Variants in ARHGEF12 observed in about 807,000 individuals in gnomAD.
The protein encoded by ARHGEF12 is KMT2A/ARHGEF12 fusion protein.
A neutral mutation model predicts 211.2 loss-of-function variants in ARHGEF12; 66 were observed. The observed-to-expected ratio is 0.31, with a 90% CI of 0.26 to 0.38. The LOEUF (loss-of-function observed/expected upper bound fraction) is 0.38, where lower values mean the gene tolerates loss of function less well. Ranked by LOEUF, ARHGEF12 falls within the 10% of genes least tolerant of loss-of-function variation. The pLI is 1.00. For missense variants in ARHGEF12, 1,429 were observed against 1,869.5 expected, an observed-to-expected ratio of 0.76 and a Z score of 4.34; for synonymous variants, 592 against 638.4, an observed-to-expected ratio of 0.93 and a Z score of 1.09.
chr11:120,482,219 T>C (rs1302497989), intron 39 of ARHGEF12, among the ~76,000 whole-genome samples: 4 of 152,208 alleles, frequency 2.6e-5, no homozygotes, highest in African/African-American at 7.2e-5. Context: ...AGGGTTTATG[T>C]AGTTATGAAT....
At chr11:120,363,263 G>T (rs932459874) in intron 1 of ARHGEF12, among the ~76,000 whole-genome samples, 1 of 152,040 alleles carries the variant, frequency 6.6e-6, no homozygotes, top group Admixed American at 6.5e-5. Flanking sequence ...CCAACCACTG[G>T]TACCAGTGGA....
At chr11:120,472,611 G>A (rs997500916) in intron 30 of ARHGEF12, among the ~76,000 whole-genome samples, 12 of 152,084 alleles carry the variant, frequency 7.9e-5, no homozygotes, top group Non-Finnish European at 1.6e-4. Flanking sequence ...CGGGAAGAGA[G>A]TGAGTTTTCA....
chr11:120,346,744 G>A (rs1049026687), intron 1 of ARHGEF12, among the ~76,000 whole-genome samples: 1 of 152,134 alleles, frequency 6.6e-6, no homozygotes, highest in African/African-American at 2.4e-5. Flanking sequence ...GAAGTACAGA[G>A]AATGGTATGA....
At chr11:120,437,444 G>A (rs1945728785) in intron 12 of ARHGEF12, 62 bp downstream of exon 12, 2 of 1,219,118 alleles carry the variant, frequency 1.6e-6, no homozygotes, top group South Asian at 1.6e-5. Context: ...TTAAAGTATG[G>A]TATAGACACA....
intron 8 of ARHGEF12, 131 bp from the exon 9 acceptor site, chr11:120,429,309 G>T: frequency 3.2e-6 from 2 of 619,022 alleles, no homozygotes; most frequent in Non-Finnish European, 5.5e-6. Context: ...ACATAACCCG[G>T]AAGTAAAAAC....
Position 120,474,722 on chromosome 11 carries a change from G to C in ARHGEF12, c.3109+87G>C, listed in dbSNP as rs1373501818. 2.9e-6 allele frequency: 3 copies of C among 1,018,708 alleles called. No homozygotes were observed. In the Admixed American group the frequency reaches 7.3e-5, roughly 25 times the overall value. 63.1% of individuals were successfully genotyped at this position (1,018,708 alleles called of 1,614,324 possible). ...TTCCTATGACAAAGGGAAGAGGAGA[G>C]AACCATTCTCTCAGCAGTTTGCAGT... On this transcript the variant is annotated intron_variant, in intron 32 of 40. Transcript: ENST00000397843.
chr11:120,476,491 G>A (rs576963793), intron 33 of ARHGEF12, 170 bp from the exon 34 acceptor site: 35 of 446,314 alleles, frequency 7.8e-5, no homozygotes, highest in Middle Eastern at 6.3e-4. Context: ...CAATAAATAC[G>A]TTAATATGGT....
chr11:120,390,308 T>C (rs1452663100), intron 1 of ARHGEF12, among the ~76,000 whole-genome samples: 1 of 152,224 alleles, frequency 6.6e-6, no homozygotes, highest in Non-Finnish European at 1.5e-5. Context: ...ATCATTTCCT[T>C]CATGCTCCTC....
intron 7 of ARHGEF12, among the ~76,000 whole-genome samples, chr11:120,427,494 G>T (rs2135709830): frequency 6.6e-6 from 1 of 151,824 alleles, no homozygotes; most frequent in Admixed American, 6.6e-5. Context: ...CTTGAGCTCA[G>T]GAGTTTAAGA....
At chr11:120,465,473 CT>C (rs912749803) in intron 28 of ARHGEF12, 111 bp downstream of exon 28, 31,626 of 1,049,264 alleles carry the variant, frequency 0.03, no homozygotes, top group South Asian at 0.039. Context: ...TCTGTGTTAA[CT>C]TTTTTTTTTT....
intron 30 of ARHGEF12, among the ~76,000 whole-genome samples, chr11:120,470,113 C>T (rs1462003384): frequency 1.3e-5 from 2 of 152,170 alleles, no homozygotes; most frequent in Admixed American, 6.5e-5. Flanking sequence ...CATAAAGGCC[C>T]TAGAGATCAG....
intron 1 of ARHGEF12, among the ~76,000 whole-genome samples, chr11:120,364,448 T>C (rs1943367448): frequency 6.6e-6 from 1 of 152,232 alleles, no homozygotes; most frequent in Non-Finnish European, 1.5e-5. Flanking sequence ...GAATTAGTAA[T>C]GCCAATTTTG....
At chr11:120,484,275 T>C (rs1947339667) in intron 39 of ARHGEF12, among the ~76,000 whole-genome samples, 163 bp from the exon 40 acceptor site, 1 of 152,214 alleles carries the variant, frequency 6.6e-6, no homozygotes, top group Admixed American at 6.5e-5. Flanking sequence ...AAATTTACTT[T>C]TTTCTTCCCA....
At chr11:120,394,032 A>G (rs965386849) in intron 1 of ARHGEF12, among the ~76,000 whole-genome samples, 6 of 152,188 alleles carry the variant, frequency 3.9e-5, no homozygotes, top group Admixed American at 1.3e-4. Flanking sequence ...AAAGTTTCCA[A>G]ATATTGGAAA....
intron 1 of ARHGEF12, among the ~76,000 whole-genome samples, chr11:120,396,063 C>T (rs185871457): frequency 6.6e-6 from 1 of 152,140 alleles, no homozygotes; most frequent in East Asian, 1.9e-4. Flanking sequence ...AGGGAAAATG[C>T]AAGTTGAACC....
In ARHGEF12 at chr11:120,486,267, T is replaced by A. The variant is rs559530575; in HGVS notation, c.*1190T>A. ...GCCAAAGGGCCCTGAGTCAAAAGGA[T>A]AGCCAAGGGTGGAGTGGAAAAAGAT... is the stretch of plus-strand genomic sequence containing the variant. On this transcript the variant is annotated 3_prime_UTR_variant, in exon 41 of 41. Transcript: ENST00000397843. 8.6e-6 allele frequency: 2 copies of A among 233,262 alleles called. No homozygotes were observed. Among genetic ancestry groups the A allele is most frequent in the Admixed American group, 5.6e-5 (1 of 17,768 alleles). The allele number at this position is 233,262 out of a possible 1,614,324, so 14.4% of individuals were successfully genotyped here.
chr11:120,393,590 G>A (rs944298182), intron 1 of ARHGEF12, among the ~76,000 whole-genome samples: 5 of 152,052 alleles, frequency 3.3e-5, no homozygotes, highest in Admixed American at 6.6e-5. Context: ...AAGTAATTTC[G>A]TACTGATAAA....
At chr11:120,481,145 A>T in intron 38 of ARHGEF12, 115 bp from the exon 39 acceptor site, 2 of 906,596 alleles carry the variant, frequency 2.2e-6, no homozygotes, top group Non-Finnish European at 3.3e-6. Flanking sequence ...CTCAGGAATT[A>T]ATGGCTTTTC....
In ARHGEF12 at chr11:120,458,184, T is replaced by C. The variant is rs768714725; in HGVS notation, c.2330T>C (p.Val777Ala). 1 of 1,613,510 alleles carries C rather than the reference T, an allele frequency of 6.2e-7. No individual in the cohort carries two copies. Among genetic ancestry groups the C allele is most frequent in the Non-Finnish European group, 8.5e-7 (1 of 1,179,792 alleles). Residue 777 changes from valine to alanine, a missense_variant, in exon 25 of 41, where the codon GTG becomes GCG. Around this residue, in one of 7 missense-constraint regions of ARHGEF12, gnomAD observed 373 missense variants for 467.5 expected, o/e 0.80. Coordinates refer to ENST00000397843, the MANE Select transcript of ARHGEF12 (RefSeq NM_015313.3). ...PNWQQLVSRE[V>A]LLGLKPCEIK... is the part of the protein sequence containing the mutation. Reference sequence around the variant, plus strand: ...TGGCAGCAGCTTGTTAGTCGAGAAGTGTTACTGGGACTAAAACCTTGTGAA... The same window carrying C: ...TGGCAGCAGCTTGTTAGTCGAGAAGCGTTACTGGGACTAAAACCTTGTGAA...
Sources: gnomAD v4.1 joint callset for allele counts (sites outside exome capture counted in the v4.1 genomes callset) on GRCh38, gnomAD v4.1.1 for gene constraint, gnomAD v4.1.1 regional missense constraint, MANE v1.5 for transcripts, NCBI Gene and HGNC (gene_info 2026-07-23, HGNC 2026-07-21) for gene names.